THOP1: variants seen among roughly 807,000 people sequenced by gnomAD.
THOP1 encodes the protein thimet oligopeptidase.
Under a neutral mutation model 71.8 loss-of-function variants are expected in THOP1, and 49 were observed. The observed-to-expected ratio is 0.68, with a 90% CI of 0.54 to 0.87. The LOEUF (loss-of-function observed/expected upper bound fraction) is 0.87, where lower values mean the gene tolerates loss of function less well. Ranked by LOEUF, THOP1 falls within the 40% of genes least tolerant of loss-of-function variation. THOP1 has a pLI of 0.00. For missense variants in THOP1, 843 were observed against 975.6 expected, an observed-to-expected ratio of 0.86 and a Z score of 1.81; for synonymous variants, 426 against 421.5, an observed-to-expected ratio of 1.01 and a Z score of -0.13.
chr19:2,803,361 C>A (rs547141755), intron 5 of THOP1, among the ~76,000 whole-genome samples: 1 of 152,302 alleles, frequency 6.6e-6, no homozygotes, highest in East Asian at 1.9e-4. Flanking sequence ...CCCAGCCACT[C>A]GGGAGGCTGA....
Position 2,807,553 on chromosome 19 carries a change from G to T in THOP1, c.998G>T (p.Arg333Leu), listed in dbSNP as rs1032644672. The change falls in exon 8 of 13, where the codon CGT (arginine) becomes CTT (leucine). Residue 333 changes from arginine to leucine, a missense_variant. Physicochemically the swap from Arg to Leu is moderately radical, Grantham distance 102 (BLOSUM62 -2). Coordinates refer to ENST00000307741, the MANE Select transcript of THOP1 (RefSeq NM_003249.5). ...GGCCTGCCCTTCGACGGCCGCATCC[G>T]TGCCTGGGACATGCGCTACTACATG... ...RRGLPFDGRI[R>L]AWDMRYYMNQ... 3 of 1,612,436 alleles carry T rather than the reference G, an allele frequency of 1.9e-6. No individual in the cohort carries two copies. Among genetic ancestry groups the T allele is most frequent in the Non-Finnish European group, 2.5e-6 (3 of 1,179,852 alleles).
chr19:2,808,386 A>T lies in THOP1; in HGVS notation c.1397A>T (p.Asp466Val). 6.2e-7 allele frequency: 1 copy of T among 1,611,510 alleles called. No homozygotes were observed. The highest frequency in any genetic ancestry group is 1.1e-5 in the South Asian group (1 of 90,976). Reference protein sequence around the residue: ...TADAPSLLQHDEVETYFHEFG... With the variant: ...TADAPSLLQHVEVETYFHEFG... Reference sequence around the variant, plus strand: ...GACGCGCCCTCGCTGCTGCAGCATGACGAGGTGGAGACCTACTTCCATGAG... The same window carrying T: ...GACGCGCCCTCGCTGCTGCAGCATGTCGAGGTGGAGACCTACTTCCATGAG... Residue 466 changes from aspartate to valine, a missense_variant, in exon 9 of 13, where the codon GAC becomes GTC. Physicochemically the swap from Asp to Val is radical, Grantham distance 152. Transcript: ENST00000307741.
chr19:2,796,619 T>G, intron 4 of THOP1, among the ~76,000 whole-genome samples: 1 of 140,498 alleles, frequency 7.1e-6, no homozygotes, highest in East Asian at 2.2e-4. Context: ...GCACGGGGAG[T>G]GCTCAGTCCT....
chr19:2,790,083 C>G (rs1291615167), intron 1 of THOP1, among the ~76,000 whole-genome samples: 1 of 152,162 alleles, frequency 6.6e-6, no homozygotes. Context: ...GCAGTATCAT[C>G]TCTATTCCGG....
intron 5 of THOP1, 138 bp downstream of exon 5, chr19:2,799,929 G>A: frequency 2.8e-6 from 2 of 723,866 alleles, no homozygotes; most frequent in South Asian, 1.8e-5. Context: ...ACGTGGACCT[G>A]ACCGCCCTGG....
rs377281658 is a variant in THOP1, at chr19:2,805,199, C to T, written c.750+23C>T. On this transcript the variant is annotated intron_variant, in intron 6 of 12. Transcript: ENST00000307741. The surrounding 1 kb of genome is among the most constrained non-coding windows in gnomAD (Gnocchi z 6.6). ...GAGGTGAGAAGGCACGGCCAGGGGG[C>T]CCCAGAACAGTGGGTCTGGAGCTTG... 1.2e-5 allele frequency: 19 copies of T among 1,600,836 alleles called. No homozygotes were observed. The highest frequency in any genetic ancestry group is 1.7e-4 in the Middle Eastern group (1 of 6,008).
intron 5 of THOP1, 32 bp downstream of exon 5, chr19:2,799,823 A>G (rs1599525069): frequency 1.3e-6 from 2 of 1,588,316 alleles, no homozygotes; most frequent in Non-Finnish European, 1.7e-6. Flanking sequence ...ACGGGTGGCC[A>G]TCGGTCCTGG....
intron 1 of THOP1, 116 bp downstream of exon 1, chr19:2,785,794 C>T: frequency 1.9e-6 from 2 of 1,034,556 alleles, no homozygotes; most frequent in Non-Finnish European, 2.5e-6. Context: ...CTCGGCCGGG[C>T]TGGAGGGGCA....
At chr19:2,807,227 C>T (rs748635359) in intron 7 of THOP1, among the ~76,000 whole-genome samples, 175 bp downstream of exon 7, 4 of 152,184 alleles carry the variant, frequency 2.6e-5, no homozygotes, top group South Asian at 2.1e-4. Context: ...AACAGGGAAG[C>T]GCCCGGGCCC....
chr19:2,794,949 A>G (rs1915978460), intron 3 of THOP1, 37 bp downstream of exon 3: 1 of 1,588,132 alleles, frequency 6.3e-7, no homozygotes, highest in Non-Finnish European at 8.6e-7. Flanking sequence ...ATAGCCTCCC[A>G]AGTAACTAGG....
At position 2,805,807 on chromosome 19, in the gene THOP1, A is replaced by G. The variant is rs1304525572; in HGVS notation, c.750+631A>G. Reference sequence around the variant, plus strand: ...GATCACTGCAAAGGGATGGGCGGGCACTGATCACTGCAAGGGGACGGGCGG... The same window carrying G: ...GATCACTGCAAAGGGATGGGCGGGCGCTGATCACTGCAAGGGGACGGGCGG... On this transcript the variant is annotated intron_variant, in intron 6 of 12. Coordinates refer to ENST00000307741, the MANE Select transcript of THOP1 (RefSeq NM_003249.5). This position sits in a 1 kb window ranked among gnomAD's most constrained non-coding sequence, Gnocchi z 6.6. Among the ~76,000 whole-genome samples the G allele has an allele frequency of 6.7e-6, 1 of 149,928 alleles. No individual in the cohort carries two copies. Among genetic ancestry groups the G allele is most frequent in the Admixed American group, 6.6e-5 (1 of 15,098 alleles).
At position 2,785,559 on chromosome 19, in the gene THOP1, C is replaced by T. The variant is rs555581343; in HGVS notation, c.-104C>T. 4.3e-5 allele frequency: 58 copies of T among 1,335,620 alleles called. No homozygotes were observed. In the South Asian group the frequency reaches 7.1e-4, roughly 16 times the overall value. 82.7% of individuals were successfully genotyped at this position (1,335,620 alleles called of 1,614,324 possible). ...CTTGGTCCTCAGGCGGCCGTGGCGG[C>T]GGTGGCGGCGGTTGGGCCGAGGCAG... On this transcript the variant is annotated 5_prime_UTR_variant, in exon 1 of 13. Coordinates refer to ENST00000307741, the MANE Select transcript of THOP1 (RefSeq NM_003249.5).
At chr19:2,803,842 G>A (rs1335380856) in intron 5 of THOP1, among the ~76,000 whole-genome samples, 2 of 152,000 alleles carry the variant, frequency 1.3e-5, no homozygotes, top group African/African-American at 4.8e-5. Flanking sequence ...TCCCCCATCT[G>A]CCTCTGGCCC....
In THOP1 at chr19:2,810,722, G is replaced by T. The variant is rs774019848; in HGVS notation, c.1725G>T (p.Glu575Asp). Residue 575 changes from glutamate to aspartate, a missense_variant, in exon 11 of 13, where the codon GAG (glutamate) becomes GAT (aspartate). Physicochemically the swap from Glu to Asp is conservative, Grantham distance 45 (BLOSUM62 2). Transcript: ENST00000307741. ...AGACGGACGCAGACCCCGCCGAGGAGTATGCGCGGCTCTGCCAGGAGATCC... is the reference window on the plus strand; with the variant it reads ...AGACGGACGCAGACCCCGCCGAGGATTATGCGCGGCTCTGCCAGGAGATCC... ...HTQTDADPAE[E>D]YARLCQEILG... The T allele has an allele frequency of 2.5e-6, 4 of 1,596,062 alleles. 1 individual carries two copies. In the South Asian group the frequency reaches 4.5e-5, roughly 18 times the overall value.
chr19:2,807,648 G>A lies in THOP1; in HGVS notation c.1093G>A (p.Val365Ile). 2 of 1,610,542 alleles carry A rather than the reference G, an allele frequency of 1.2e-6. No individual in the cohort carries two copies. Among genetic ancestry groups the A allele is most frequent in the Non-Finnish European group, 1.7e-6 (2 of 1,178,220 alleles). Residue 365 changes from valine to isoleucine, a missense_variant, in exon 8 of 13, where the codon GTC becomes ATC. Coordinates refer to ENST00000307741, the MANE Select transcript of THOP1 (RefSeq NM_003249.5). Reference sequence around the variant, plus strand: ...CAAGGAGTACTTCCCCGTGCAGGTGGTCACGCACGGGCTGCTGGGCATCTA... The same window carrying A: ...CAAGGAGTACTTCCCCGTGCAGGTGATCACGCACGGGCTGCTGGGCATCTA... Reference protein sequence around the residue: ...LLKEYFPVQVVTHGLLGIYQE... With the variant: ...LLKEYFPVQVITHGLLGIYQE...
At position 2,807,732 on chromosome 19, in the gene THOP1, G is replaced by A; in HGVS notation, c.1177G>A (p.Asp393Asn). ...GGAGGGCGCCAGTGCCTGGCATGAG[G>A]ACGTGCGGCTCTACACCGCGAGGGA... is the stretch of plus-strand genomic sequence containing the variant. ...HEEGASAWHE[D>N]VRLYTARDAA... The change falls in exon 8 of 13, where the codon GAC becomes AAC. Residue 393 changes from aspartate (D) to asparagine (N), a missense_variant. Coordinates refer to ENST00000307741, the MANE Select transcript of THOP1 (RefSeq NM_003249.5). 6.3e-7 allele frequency: 1 copy of A among 1,593,350 alleles called. No homozygotes were observed. The highest frequency in any genetic ancestry group is 1.7e-5 in the Admixed American group (1 of 58,680).
Position 2,792,645 on chromosome 19 carries a change from GT to G in THOP1, c.229+2021del, listed in dbSNP as rs942133685. Among the ~76,000 whole-genome samples the G allele has an allele frequency of 9.3e-5, 14 of 150,284 alleles. 1 individual carries two copies. Among genetic ancestry groups the G allele is most frequent in the South Asian group, 2.1e-4 (1 of 4,730 alleles). On this transcript the variant is annotated intron_variant, in intron 2 of 12. Transcript: ENST00000307741. ...TTTAAAAAAAATTATTATTATTAGG[GT>G]TTTTTTTTGTTTGTTTTTTGTTTTT...
chr19:2,809,410 G>A, intron 9 of THOP1: 1 of 152,340 alleles, frequency 6.6e-6, no homozygotes, highest in Non-Finnish European at 1.5e-5. Context: ...CAAACACCGT[G>A]CCCCCACTAG....
chr19:2,795,120 G>A (rs117788021), intron 3 of THOP1, among the ~76,000 whole-genome samples: 2,004 of 152,240 alleles, frequency 0.013, 31 homozygotes, highest in South Asian at 0.041. Context: ...CACTGTGCCC[G>A]GCCCATTTTT....
Sources: allele counts gnomAD v4.1 joint callset (sites outside exome capture counted in the v4.1 genomes callset), GRCh38; gene constraint gnomAD v4.1.1; non-coding constraint Gnocchi (gnomAD v3.1); transcripts MANE v1.5; gene names NCBI Gene and HGNC (gene_info 2026-07-23, HGNC 2026-07-21).